The following LNPEP variants were observed in gnomAD, a reference collection of about 807,000 sequenced individuals.
LNPEP encodes leucyl-cystinyl aminopeptidase.
In LNPEP, 64 loss-of-function variants were observed where a neutral mutation model predicts 120.6. The observed-to-expected ratio is 0.53, with a 90% CI of 0.43 to 0.65. The LOEUF (loss-of-function observed/expected upper bound fraction) is 0.65. Ranked by LOEUF, LNPEP falls within the 30% of genes least tolerant of loss-of-function variation. LNPEP has a pLI of 0.00. For synonymous variants in LNPEP, 435 were observed against 425.4 expected, an observed-to-expected ratio of 1.02 and a Z score of -0.28; for missense variants, 1,057 against 1,200.0, an observed-to-expected ratio of 0.88 and a Z score of 1.76.
chr5:96,959,805 T>A (rs1435198224), intron 1 of LNPEP, among the ~76,000 whole-genome samples: 1 of 152,208 alleles, frequency 6.6e-6, no homozygotes, highest in Non-Finnish European at 1.5e-5. Flanking sequence ...TTTTTGATTA[T>A]GAAAATTTCT....
intron 1 of LNPEP, among the ~76,000 whole-genome samples, chr5:96,937,995 A>G (rs1272699124): frequency 1.3e-5 from 2 of 152,244 alleles, no homozygotes; most frequent in Non-Finnish European, 1.5e-5. Flanking sequence ...TAATGTAGCA[A>G]TCACTCCTTG....
chr5:97,007,514 T>C (rs1021333295), intron 11 of LNPEP, among the ~76,000 whole-genome samples: 6 of 152,224 alleles, frequency 3.9e-5, no homozygotes, highest in Non-Finnish European at 7.3e-5. Context: ...ATGTTAACTA[T>C]CATTAACGTT....
chr5:96,950,968 A>C (rs1789306679), intron 1 of LNPEP, among the ~76,000 whole-genome samples: 1 of 152,154 alleles, frequency 6.6e-6, no homozygotes, highest in Non-Finnish European at 1.5e-5. Context: ...ACAGATATTT[A>C]TTTACTTACA....
intron 1 of LNPEP, 104 bp from the exon 2 acceptor site, chr5:96,979,030 TAAAA>T: frequency 7.6e-7 from 1 of 1,307,934 alleles, no homozygotes; most frequent in Non-Finnish European, 1.0e-6. Flanking sequence ...CTTAGTGACT[TAAAA>T]AAATTCTTAG....
At position 97,028,487 on chromosome 5, in the gene LNPEP, T is replaced by A. The variant is rs1332473176; in HGVS notation, c.3032T>A (p.Ile1011Asn). 6.2e-7 allele frequency: 1 copy of A among 1,614,062 alleles called. No individual in the cohort carries two copies. Among genetic ancestry groups the A allele is most frequent in the East Asian group, 2.2e-5 (1 of 44,888 alleles). ...QEALEVIQLN[I>N]QWMEKNLKSL... Reference sequence around the variant, plus strand: ...GCTTTGGAAGTCATTCAGTTGAATATCCAGTGGATGGAGAAGAACCTCAAA... The same window carrying A: ...GCTTTGGAAGTCATTCAGTTGAATAACCAGTGGATGGAGAAGAACCTCAAA... The change falls in exon 18 of 18, where the codon ATC (isoleucine) becomes AAC (asparagine). Residue 1011 changes from isoleucine (I) to asparagine (N), a missense_variant. By Grantham distance (149) the Ile-to-Asn change is moderately radical. Coordinates refer to ENST00000231368, the MANE Select transcript of LNPEP (RefSeq NM_005575.3).
chr5:96,989,314 TATATATAATATATAATTATATATA>T (rs1790321031), intron 4 of LNPEP, among the ~76,000 whole-genome samples: 1 of 26,144 alleles, frequency 3.8e-5, no homozygotes, highest in South Asian at 8.2e-4. Flanking sequence ...TATTGTATAT[TATATATAATATATAATTATATATA>T]ATATATAATA....
chr5:96,938,536 T>C (rs1433224348), intron 1 of LNPEP, among the ~76,000 whole-genome samples: 1 of 152,256 alleles, frequency 6.6e-6, no homozygotes. Context: ...CTTGTCACTC[T>C]AGCCTTCAAT....
intron 15 of LNPEP, among the ~76,000 whole-genome samples, chr5:97,025,098 G>C (rs2112672947): frequency 6.6e-6 from 1 of 152,226 alleles, no homozygotes; most frequent in Non-Finnish European, 1.5e-5. Context: ...GAATTTATTT[G>C]TCAGACTTTT....
chr5:96,977,669 C>G (rs1286118932), intron 1 of LNPEP, among the ~76,000 whole-genome samples: 1 of 152,074 alleles, frequency 6.6e-6, no homozygotes, highest in Non-Finnish European at 1.5e-5. Flanking sequence ...TAATATTTAT[C>G]AATAATATGT....
intron 1 of LNPEP, among the ~76,000 whole-genome samples, chr5:96,949,787 C>T (rs1208379262): frequency 1.3e-5 from 2 of 152,140 alleles, no homozygotes; most frequent in African/African-American, 4.8e-5. Flanking sequence ...TGTTTTGTTG[C>T]ACACATATTA....
intron 13 of LNPEP, among the ~76,000 whole-genome samples, chr5:97,021,259 G>T (rs1333927444): frequency 6.6e-6 from 1 of 152,184 alleles, no homozygotes; most frequent in East Asian, 1.9e-4. Context: ...GCGTATGTGT[G>T]TTATACACAC....
At chr5:97,028,264 A>G in intron 17 of LNPEP, 138 bp from the exon 18 acceptor site, 1 of 748,876 alleles carries the variant, frequency 1.3e-6, no homozygotes, top group East Asian at 2.6e-5. Flanking sequence ...GATACCTTGA[A>G]TATTAAAGTA....
intron 1 of LNPEP, among the ~76,000 whole-genome samples, chr5:96,947,017 T>C (rs995211818): frequency 1.3e-5 from 2 of 152,224 alleles, no homozygotes; most frequent in Non-Finnish European, 1.5e-5. Flanking sequence ...AATAAGGAAT[T>C]ATAGGTTAAG....
intron 8 of LNPEP, among the ~76,000 whole-genome samples, chr5:97,003,121 A>G (rs1271928578): frequency 6.6e-6 from 1 of 152,176 alleles, no homozygotes; most frequent in Non-Finnish European, 1.5e-5. Context: ...TTAGCTTTTC[A>G]ACACTAACAT....
chr5:97,004,745 A>T (rs1790738319), intron 9 of LNPEP, among the ~76,000 whole-genome samples: 1 of 152,156 alleles, frequency 6.6e-6, no homozygotes, highest in Admixed American at 6.5e-5. Context: ...CCCAGAAGAT[A>T]TACCTTCCCT....
At position 97,010,309 on chromosome 5, in the gene LNPEP, A is replaced by C. The variant is rs922316233; in HGVS notation, c.2036-3339A>C. 1.7e-5 allele frequency: 17 copies of C among 975,486 alleles called. No homozygotes were observed. In the Admixed American group the frequency reaches 2.5e-4, roughly 14 times the overall value. 60.4% of individuals were successfully genotyped at this position (975,486 alleles called of 1,614,324 possible). On this transcript the variant is annotated intron_variant, in intron 11 of 17. Coordinates refer to ENST00000231368, the MANE Select transcript of LNPEP (RefSeq NM_005575.3). Reference sequence around the variant, plus strand: ...TTCATGTTTCCAAATGGATATCACTATCAGAAATACTGCTGTGAAAGTTAA... The same window carrying C: ...TTCATGTTTCCAAATGGATATCACTCTCAGAAATACTGCTGTGAAAGTTAA...
In LNPEP at chr5:97,033,278, C is replaced by G. The variant is rs1314484630; in HGVS notation, c.*4745C>G. 6.6e-6 allele frequency: 1 copy of G among 151,766 alleles called. No individual in the cohort carries two copies. The highest frequency in any genetic ancestry group is 1.9e-4 in the East Asian group (1 of 5,156). 9.4% of individuals were successfully genotyped at this position (151,766 alleles called of 1,614,324 possible). On this transcript the variant is annotated 3_prime_UTR_variant, in exon 18 of 18. Transcript: ENST00000231368. ...AGCTAACAGAGTAGTTGTCAAGTGG[C>G]GTATTTGAGGTGAGGGGGAGGGACG...
intron 1 of LNPEP, among the ~76,000 whole-genome samples, chr5:96,974,352 C>T (rs1007904741): frequency 6.6e-6 from 1 of 152,142 alleles, no homozygotes; most frequent in African/African-American, 2.4e-5. Flanking sequence ...TCTTCTCTGT[C>T]TTTACCTCCT....
At chr5:96,980,867 C>G (rs1561439747) in intron 2 of LNPEP, among the ~76,000 whole-genome samples, 1 of 152,090 alleles carries the variant, frequency 6.6e-6, no homozygotes, top group Admixed American at 6.5e-5. Flanking sequence ...ACTTTTTGAT[C>G]CTTCTTAAAT....
Sources: allele counts gnomAD v4.1 joint callset (sites outside exome capture counted in the v4.1 genomes callset), GRCh38; gene constraint gnomAD v4.1.1; transcripts MANE v1.5; gene names NCBI Gene and HGNC (gene_info 2026-07-23, HGNC 2026-07-21).